SMG7: variants seen among roughly 807,000 people sequenced by gnomAD.
SMG7 encodes the protein SMG7 nonsense mediated mRNA decay factor, also known as nonsense-mediated mRNA decay factor SMG7.
Under a neutral mutation model 148.2 loss-of-function variants are expected in SMG7, and 34 were observed. That is an observed-to-expected ratio of 0.23 (90% confidence interval 0.17 to 0.31). The LOEUF is 0.31. Ranked by LOEUF, SMG7 falls within the 10% of genes least tolerant of loss-of-function variation. The probability of loss-of-function intolerance (pLI) is 1.00; values close to 1 mark genes in which losing one functional copy is unlikely to be tolerated. For missense variants in SMG7, 1,114 were observed against 1,408.4 expected (o/e 0.79, Z 3.35); for synonymous variants, 492 against 515.1 (o/e 0.96, Z 0.61).
intron 1 of SMG7, chr1:183,473,635 AGGTT>A (rs1469756923): frequency 1.8e-6 from 1 of 561,878 alleles, no homozygotes; most frequent in Admixed American, 6.3e-5. Context: ...GAGAAAAGTA[AGGTT>A]GTTAGATCCT....
In SMG7 at chr1:183,527,126, G is replaced by A. The variant is rs186190974; in HGVS notation, c.484+359G>A. On this transcript the variant is annotated intron_variant, in intron 5 of 22. Coordinates refer to ENST00000688051, the MANE Select transcript of SMG7 (RefSeq NM_001375584.1). The surrounding 1 kb of genome is among the most constrained non-coding windows in gnomAD (Gnocchi z 4.0). ...TAAATGAGGTTTATAAATTACTCCTGAAGCGAAATTGCCTTCTTTCTTTCT... is the reference window on the plus strand; with the variant it reads ...TAAATGAGGTTTATAAATTACTCCTAAAGCGAAATTGCCTTCTTTCTTTCT... Among the ~76,000 whole-genome samples the A allele has an allele frequency of 8.0e-4, 122 of 152,268 alleles. 1 individual carries two copies. Among genetic ancestry groups the A allele is most frequent in the Middle Eastern group, 6.8e-3 (2 of 294 alleles).
chr1:183,548,985 C>CT lies in SMG7; in HGVS notation c.2893-222dup, dbSNP rs1670471267. On this transcript the variant is annotated intron_variant, in intron 18 of 22. Transcript: ENST00000688051. ...TCTGGTCCCTGCCAGAATATAATCTCTGACTAGGTTTGATCTAAAAGGAGG... is the reference window on the plus strand; with the variant it reads ...TCTGGTCCCTGCCAGAATATAATCTCTTGACTAGGTTTGATCTAAAAGGAGG... 5.4e-6 allele frequency: 3 copies of CT among 552,896 alleles called. No individual in the cohort carries two copies. The Admixed American group carries it at 1.0e-4, about 19-fold the overall frequency. The allele number at this position is 552,896 out of a possible 1,614,324, so 34.2% of individuals were successfully genotyped here. A position where few individuals can be genotyped will look rare whatever the true frequency, so the allele number is the denominator to read the frequency against.
Position 183,526,602 on chromosome 1 carries a change from C to A in SMG7, c.319C>A (p.Gln107Lys). The A allele has an allele frequency of 6.3e-7, 1 of 1,596,516 alleles. No individual in the cohort carries two copies. Among genetic ancestry groups the A allele is most frequent in the South Asian group, 1.1e-5 (1 of 87,916 alleles). ...AASGFYTQLL[Q>K]ELCTVFNVDL... ...TTGTTTGTTTTTCTTTTAGTTATTA[C>A]AAGAACTGTGTACAGTATTTAATGT... Residue 107 changes from glutamine (Q) to lysine (K), a missense_variant, in exon 5 of 23, where the codon CAA becomes AAA. Physicochemically the swap from Gln to Lys is moderately conservative, Grantham distance 53. Transcript: ENST00000688051.
intron 4 of SMG7, 75 bp downstream of exon 4, chr1:183,517,895 A>C: frequency 7.0e-7 from 1 of 1,427,738 alleles, no homozygotes; most frequent in Non-Finnish European, 9.8e-7. Flanking sequence ...GTCTTAATGC[A>C]TGTAAACAAT....
intron 18 of SMG7, 84 bp from the exon 19 acceptor site, chr1:183,549,116 CATGCTTTT>C: frequency 1.1e-6 from 1 of 900,114 alleles, no homozygotes; most frequent in Non-Finnish European, 1.8e-6. Flanking sequence ...CGAATACAGG[CATGCTTTT>C]GCTTTGGTTC....
At chr1:183,508,130 C>A in intron 1 of SMG7, 2 of 975,730 alleles carry the variant, frequency 2.0e-6, no homozygotes, top group Non-Finnish European at 2.4e-6. Flanking sequence ...TGGCTGTAAA[C>A]TTCAATGTTA....
At chr1:183,489,904 A>C (rs1402943407) in intron 1 of SMG7, among the ~76,000 whole-genome samples, 1 of 152,246 alleles carries the variant, frequency 6.6e-6, no homozygotes, top group Non-Finnish European at 1.5e-5. Context: ...GCTCTAATGC[A>C]ATAGTTTGCA....
At chr1:183,513,013 T>A in intron 2 of SMG7, 145 bp downstream of exon 2, 1 of 690,094 alleles carries the variant, frequency 1.4e-6, no homozygotes, top group Non-Finnish European at 2.3e-6. Flanking sequence ...TTTAAATATT[T>A]ATTGTTTATG....
chr1:183,518,148 A>G (rs1558009954), intron 4 of SMG7, among the ~76,000 whole-genome samples: 1 of 151,942 alleles, frequency 6.6e-6, no homozygotes, highest in East Asian at 1.9e-4. Context: ...GAGTCTCGCT[A>G]TGTTGCCCAT....
intron 22 of SMG7, 25 bp from the exon 23 acceptor site, chr1:183,551,793 T>C (rs1390533541): frequency 6.4e-7 from 1 of 1,562,588 alleles, no homozygotes; most frequent in African/African-American, 1.4e-5. Flanking sequence ...TGACCTCTGC[T>C]GACAAGATCT....
At chr1:183,545,359 A>G (rs944724028) in intron 16 of SMG7, 47 bp downstream of exon 16, 3 of 1,564,344 alleles carry the variant, frequency 1.9e-6, no homozygotes, top group Non-Finnish European at 2.6e-6. Context: ...AATAAGGGGA[A>G]ATGCTGAAAG....
At chr1:183,544,323 TATAG>T in intron 14 of SMG7, 26 bp from the exon 15 acceptor site, 1 of 1,596,368 alleles carries the variant, frequency 6.3e-7, no homozygotes, top group Non-Finnish European at 8.6e-7. Flanking sequence ...TTCAATTTAT[TATAG>T]ATAGTTTTGC....
intron 1 of SMG7, among the ~76,000 whole-genome samples, chr1:183,507,176 T>G (rs968055925): frequency 5.9e-5 from 9 of 152,246 alleles, no homozygotes; most frequent in Admixed American, 2.0e-4. Context: ...AGTGCCCAGC[T>G]GTTAGGCTAT....
chr1:183,542,018 C>A, intron 13 of SMG7, 58 bp from the exon 14 acceptor site: 1 of 1,380,730 alleles, frequency 7.2e-7, no homozygotes, highest in Non-Finnish European at 1.0e-6. Context: ...ACACACAATT[C>A]AGTTGTTATT....
chr1:183,532,215 C>T (rs2702185), intron 8 of SMG7, among the ~76,000 whole-genome samples: 7,787 of 152,232 alleles, frequency 0.051, 260 homozygotes, highest in Non-Finnish European at 0.072. Context: ...TCTCCTGTCA[C>T]TGCTGGTAGA....
intron 1 of SMG7, among the ~76,000 whole-genome samples, chr1:183,509,538 A>G (rs918455292): frequency 2.6e-5 from 4 of 152,196 alleles, no homozygotes; most frequent in Non-Finnish European, 4.4e-5. Flanking sequence ...AAGTATAGCT[A>G]TCCCGTAGGG....
intron 22 of SMG7, 34 bp from the exon 23 acceptor site, chr1:183,551,784 G>C (rs1226931855): frequency 2.0e-6 from 3 of 1,522,992 alleles, no homozygotes; most frequent in South Asian, 1.2e-5. Context: ...CTTGGCATTT[G>C]ACCTCTGCTG....
At chr1:183,472,749 C>T in intron 1 of SMG7, 100 bp downstream of exon 1, 2 of 1,096,460 alleles carry the variant, frequency 1.8e-6, no homozygotes, top group Non-Finnish European at 1.2e-6. Flanking sequence ...GGGGGAGTTG[C>T]TGCGTCCTCT....
chr1:183,540,306 C>T (rs1668587655), intron 12 of SMG7, among the ~76,000 whole-genome samples: 1 of 151,936 alleles, frequency 6.6e-6, no homozygotes. Context: ...TTACATAGTT[C>T]TTATTATGCT....
Sources: allele counts gnomAD v4.1 joint callset (sites outside exome capture counted in the v4.1 genomes callset), GRCh38; gene constraint gnomAD v4.1.1; non-coding constraint Gnocchi (gnomAD v3.1); transcripts MANE v1.5; gene names NCBI Gene and HGNC (gene_info 2026-07-23, HGNC 2026-07-21).